The following KIF1A variants were observed in gnomAD, a reference collection of about 807,000 sequenced individuals.
The protein encoded by KIF1A is kinesin family member 1A.
KIF1A carries 46 observed loss-of-function variants against 227.3 expected under a neutral mutation model. The observed-to-expected ratio is 0.20, with a 90% CI of 0.16 to 0.26. The LOEUF is 0.26. Ranked by LOEUF, KIF1A falls within the 10% of genes least tolerant of loss-of-function variation. The probability of loss-of-function intolerance (pLI) is 1.00; values close to 1 mark genes in which losing one functional copy is unlikely to be tolerated. For missense variants in KIF1A, 1,683 were observed against 2,485.9 expected (o/e 0.68, Z 6.87); for synonymous variants, 1,022 against 1,012.8 (o/e 1.01, Z -0.17).
intron 7 of KIF1A, among the ~76,000 whole-genome samples, 166 bp downstream of exon 7, chr2:240,784,823 G>T (rs940709505): frequency 5.9e-5 from 9 of 152,092 alleles, no homozygotes; most frequent in African/African-American, 1.9e-4. Context: ...GGGCGGGGGG[G>T]GGGACGTCCA....
At chr2:240,807,128 GTGTA>G (rs1206185774) in intron 1 of KIF1A, among the ~76,000 whole-genome samples, 4,099 of 90,518 alleles carry the variant, frequency 0.045, 76 homozygotes, top group African/African-American at 0.051. Flanking sequence ...GTGTGTGTGT[GTGTA>G]TATATATATA....
Position 240,772,585 on chromosome 2 carries a change from G to A in KIF1A, c.1192C>T (p.Pro398Ser). ...LGDITDTNTV[P>S]GGPKLTNALV... Reference sequence around the variant, plus strand: ...GAATACACACATTTGGGTCCTCCAGGCACAGTGTTGGCTATGGGGGAGGGA... The same window carrying A: ...GAATACACACATTTGGGTCCTCCAGACACAGTGTTGGCTATGGGGGAGGGA... Residue 398 changes from proline (P) to serine (S), a missense_variant, in exon 14 of 49, where the codon CCT (proline) becomes TCT (serine). Physicochemically the swap from Pro to Ser is moderately conservative, Grantham distance 74 (BLOSUM62 -1). Coordinates refer to ENST00000498729, the MANE Select transcript of KIF1A (RefSeq NM_001244008.2). 1 of 1,548,398 alleles carries A rather than the reference G, an allele frequency of 6.5e-7. No homozygotes were observed. Among genetic ancestry groups the A allele is most frequent in the Non-Finnish European group, 8.7e-7 (1 of 1,145,176 alleles).
chr2:240,740,587 G>A lies in KIF1A; in HGVS notation c.3750-223C>T, dbSNP rs1355901925. Reference sequence around the variant, plus strand: ...GCCCTGCCCACTGGACTGGCAGGGTGTCCAACAAGGAGACACGGTATGGCA... The same window carrying A: ...GCCCTGCCCACTGGACTGGCAGGGTATCCAACAAGGAGACACGGTATGGCA... On this transcript the variant is annotated intron_variant, in intron 35 of 48. Coordinates refer to ENST00000498729, the MANE Select transcript of KIF1A (RefSeq NM_001244008.2). The surrounding 1 kb of genome is among the most constrained non-coding windows in gnomAD (Gnocchi z 6.1). Among the ~76,000 whole-genome samples, 1 of 151,958 alleles carries A rather than the reference G, an allele frequency of 6.6e-6. No homozygotes were observed. The highest frequency in any genetic ancestry group is 1.5e-5 in the Non-Finnish European group (1 of 67,964).
At position 240,766,965 on chromosome 2, in the gene KIF1A, A is replaced by G; in HGVS notation, c.1634T>C (p.Ile545Thr). 6.2e-7 allele frequency: 1 copy of G among 1,612,340 alleles called. No individual in the cohort carries two copies. The highest frequency in any genetic ancestry group is 8.5e-7 in the Non-Finnish European group (1 of 1,179,646). ...RQDIVLSGHF[I>T]KEEHCVFRSD... is the part of the protein sequence containing the mutation. Reference sequence around the variant, plus strand: ...CCGGAAGACGCAGTGCTCCTCCTTGATGAAGTGCCCACTCAGAACAATGTC... The same window carrying G: ...CCGGAAGACGCAGTGCTCCTCCTTGGTGAAGTGCCCACTCAGAACAATGTC... The change falls in exon 19 of 49, where the codon ATC (isoleucine) becomes ACC (threonine). Residue 545 changes from isoleucine (I) to threonine (T), a missense_variant. This residue lies in a region of KIF1A where 217 missense variants were observed against 427.0 expected (regional missense o/e 0.51). Transcript: ENST00000498729. This position sits in a 1 kb window ranked among gnomAD's most constrained non-coding sequence, Gnocchi z 5.0.
At chr2:240,769,494 C>A in intron 16 of KIF1A, 133 bp downstream of exon 16, 2 of 737,226 alleles carry the variant, frequency 2.7e-6, no homozygotes, top group South Asian at 1.8e-5. Flanking sequence ...CAGGTTTGCC[C>A]TGGGCTGGGA....
chr2:240,757,437 C>G lies in KIF1A; in HGVS notation c.2740G>C (p.Glu914Gln), dbSNP rs1294679696. ...QSVGEEEEEEEEEEDEEEEDL... is the reference protein window; with the variant it reads ...QSVGEEEEEEQEEEDEEEEDL... ...TCCTCCTCCTCATCCTCCTCCTCCT[C>G]CTCCTCCTCCTCCTCCTCCCCCACG... Residue 914 changes from glutamate (E) to glutamine (Q), a missense_variant, in exon 27 of 49, where the codon GAG (glutamate) becomes CAG (glutamine). By Grantham distance (29) the Glu-to-Gln change is conservative. Transcript: ENST00000498729. The surrounding 1 kb of genome is among the most constrained non-coding windows in gnomAD (Gnocchi z 6.2). 1 of 1,548,522 alleles carries G rather than the reference C, an allele frequency of 6.5e-7. No homozygotes were observed. The highest frequency in any genetic ancestry group is 2.4e-5 in the East Asian group (1 of 40,832).
In KIF1A at chr2:240,787,232, G is replaced by A. The variant is rs376901818; in HGVS notation, c.429+19C>T. ...TCCCAGCCCTGCCCCAGCGGCCAACGGCAGGCGGGGAGCCCTACCTCCACG... is the reference window on the plus strand; with the variant it reads ...TCCCAGCCCTGCCCCAGCGGCCAACAGCAGGCGGGGAGCCCTACCTCCACG... On this transcript the variant is annotated intron_variant, in intron 5 of 48. Coordinates refer to ENST00000498729, the MANE Select transcript of KIF1A (RefSeq NM_001244008.2). 3.7e-6 allele frequency: 6 copies of A among 1,607,202 alleles called. No homozygotes were observed. The highest frequency in any genetic ancestry group is 2.2e-5 in the East Asian group (1 of 44,834).
intron 2 of KIF1A, among the ~76,000 whole-genome samples, chr2:240,796,848 G>GACTAAACCTAGGGAGGAA (rs1284324033): frequency 6.6e-6 from 1 of 152,168 alleles, no homozygotes; most frequent in African/African-American, 2.4e-5. Context: ...AGGCCTCGGA[G>GACTAAACCTAGGGAGGAA]ACTAAACCTA....
chr2:240,821,299 G>A (rs1231516656), upstream of KIF1A, among the ~76,000 whole-genome samples: 1 of 152,218 alleles, frequency 6.6e-6, no homozygotes, highest in Admixed American at 6.5e-5. Context: ...CGGCCTCGCC[G>A]TTAACCATTT....
chr2:240,772,745 C>T, intron 13 of KIF1A, 149 bp from the exon 14 acceptor site: 4 of 675,710 alleles, frequency 5.9e-6, no homozygotes, highest in Non-Finnish European at 7.9e-6. Context: ...TCTTCAGCTC[C>T]AGAACGCGGG....
intron 1 of KIF1A, among the ~76,000 whole-genome samples, chr2:240,817,727 A>G (rs947909985): frequency 6.6e-6 from 1 of 151,824 alleles, no homozygotes; most frequent in African/African-American, 2.4e-5. Context: ...GGCCCGGCTG[A>G]GTGGCCTGAA....
chr2:240,747,253 C>A lies in KIF1A; in HGVS notation c.3046G>T (p.Asp1016Tyr). 3 of 1,613,342 alleles carry A rather than the reference C, an allele frequency of 1.9e-6. No homozygotes were observed. Among genetic ancestry groups the A allele is most frequent in the South Asian group, 2.2e-5 (2 of 90,988 alleles). The change falls in exon 29 of 49, where the codon GAC (aspartate) becomes TAC (tyrosine). Residue 1016 changes from aspartate to tyrosine, a missense_variant. Around this residue, in one of 12 missense-constraint regions of KIF1A, gnomAD observed 759 missense variants for 1,020.2 expected, o/e 0.74. Coordinates refer to ENST00000498729, the MANE Select transcript of KIF1A (RefSeq NM_001244008.2). ...CTTGGTACCTTTTCAAAATGCTGGT[C>A]ATCAAAGGAGATTTTAGCAGTTCCC... The part of the protein sequence containing the change: ...QSGTAKISFD[D>Y]QHFEKFQSES...
rs1204039136 is a variant in KIF1A, at chr2:240,742,950, C to G, written c.3619G>C (p.Val1207Leu). ...LRPSRRHFPR[V>L]MPLSKPVPAT... ...CTACCTGGCTTGGACAGTGGCATGA[C>G]CCGAGGGAAGTGGCGGCGCGAGGGC... Residue 1207 changes from valine to leucine, a missense_variant, in exon 34 of 49, where the codon GTC becomes CTC. By Grantham distance (32) the Val-to-Leu change is conservative. Coordinates refer to ENST00000498729, the MANE Select transcript of KIF1A (RefSeq NM_001244008.2). 1 of 1,611,686 alleles carries G rather than the reference C, an allele frequency of 6.2e-7. No homozygotes were observed. The highest frequency in any genetic ancestry group is 8.5e-7 in the Non-Finnish European group (1 of 1,178,940).
Position 240,714,535 on chromosome 2 carries a change from C to G in KIF1A, c.*2829G>C, listed in dbSNP as rs2044438942. The G allele has an allele frequency of 6.6e-6, 1 of 152,362 alleles. No individual in the cohort carries two copies. Among genetic ancestry groups the G allele is most frequent in the Non-Finnish European group, 1.5e-5 (1 of 68,160 alleles). 9.4% of individuals were successfully genotyped at this position (152,362 alleles called of 1,614,324 possible). On this transcript the variant is annotated 3_prime_UTR_variant, in exon 49 of 49. Transcript: ENST00000498729. ...AGACGGCTTTCCAGATCTGTCTCAC[C>G]TCCCCCACTTAGCAGGAAGCAGCAG... is the stretch of plus-strand genomic sequence containing the variant.
Position 240,788,034 on chromosome 2 carries a change from C to CCCCCCCCCCG in KIF1A, c.363+16_363+17insCGGGGGGGGG. The CCCCCCCCCCG allele has an allele frequency of 6.9e-7, 1 of 1,449,064 alleles. No homozygotes were observed. The highest frequency in any genetic ancestry group is 9.4e-7 in the Non-Finnish European group (1 of 1,059,102). 89.8% of individuals were successfully genotyped at this position (1,449,064 alleles called of 1,614,324 possible). ...CCCATCTGCCAGGGCTGCCCCCGCC[C>CCCCCCCCCCG]GCCCCCCGCTTCGTGCCTGTGGGAT... On this transcript the variant is annotated intron_variant, in intron 4 of 48. Coordinates refer to ENST00000498729, the MANE Select transcript of KIF1A (RefSeq NM_001244008.2). This position sits in a 1 kb window ranked among gnomAD's most constrained non-coding sequence, Gnocchi z 6.6.
chr2:240,786,255 G>GGACCGA lies in KIF1A; in HGVS notation c.608+74_608+79dup, dbSNP rs905124049. 21 of 1,406,536 alleles carry GGACCGA rather than the reference G, an allele frequency of 1.5e-5. 1 individual carries two copies. In the African/African-American group the frequency reaches 2.5e-4, roughly 17 times the overall value. 87.1% of individuals were successfully genotyped at this position (1,406,536 alleles called of 1,614,324 possible). A position where few individuals can be genotyped will look rare whatever the true frequency, so the allele number is the denominator to read the frequency against. On this transcript the variant is annotated intron_variant, in intron 6 of 48. Transcript: ENST00000498729. ...AGATGGACCCTACCAAAAAGGGCCA[G>GGACCGA]GACCGAGGTGAAGGGGCTTCCTCCG...
intron 1 of KIF1A, among the ~76,000 whole-genome samples, chr2:240,808,305 A>C (rs940574532): frequency 3.9e-5 from 6 of 152,238 alleles, no homozygotes; most frequent in African/African-American, 1.4e-4. Context: ...AGGTTGTAGA[A>C]ATCAAGAACA....
chr2:240,753,819 G>A (rs1458589173), intron 27 of KIF1A, among the ~76,000 whole-genome samples: 6 of 152,110 alleles, frequency 3.9e-5, no homozygotes, highest in Non-Finnish European at 4.4e-5. Flanking sequence ...ATCGCACAGA[G>A]GACGACCCTG....
chr2:240,767,049 G>A (rs756267890), intron 18 of KIF1A, 28 bp from the exon 19 acceptor site: 26 of 1,550,492 alleles, frequency 1.7e-5, no homozygotes, highest in Non-Finnish European at 2.1e-5. Context: ...CATCAGCACG[G>A]CAGCTGGGAC....
Sources: gnomAD v4.1 joint callset for allele counts (sites outside exome capture counted in the v4.1 genomes callset) on GRCh38, gnomAD v4.1.1 for gene constraint, gnomAD v4.1.1 regional missense constraint, Gnocchi (gnomAD v3.1) non-coding constraint, MANE v1.5 for transcripts, NCBI Gene and HGNC (gene_info 2026-07-23, HGNC 2026-07-21) for gene names.